IKZF2: variants seen among roughly 807,000 people sequenced by gnomAD.
The protein encoded by IKZF2 is zinc finger protein Helios.
IKZF2 carries 15 observed loss-of-function variants against 49.2 expected under a neutral mutation model. That is an observed-to-expected ratio of 0.30 (90% CI 0.20 to 0.47). The LOEUF (loss-of-function observed/expected upper bound fraction) is 0.47, where lower values mean the gene tolerates loss of function less well. IKZF2 is among the 20% of genes least tolerant of loss of function. The pLI, the probability that IKZF2 is intolerant of heterozygous loss-of-function variation, is 1.00. For synonymous variants in IKZF2, 227 were observed against 221.4 expected (o/e 1.03, Z -0.23); for missense variants, 567 against 664.6 (o/e 0.85, Z 1.61).
intron 4 of IKZF2, among the ~76,000 whole-genome samples, chr2:213,090,812 G>A (rs1705225679): frequency 6.6e-6 from 1 of 152,048 alleles, no homozygotes; most frequent in Non-Finnish European, 1.5e-5. Flanking sequence ...CCAGGGGAGA[G>A]GGACATAGCA....
At chr2:213,082,497 G>T (rs1308975142) in intron 4 of IKZF2, among the ~76,000 whole-genome samples, 2 of 152,130 alleles carry the variant, frequency 1.3e-5, no homozygotes, top group African/African-American at 4.8e-5. Context: ...AGGTACATTT[G>T]CACAAAAGAA....
chr2:213,107,833 G>A (rs917247969), intron 4 of IKZF2, among the ~76,000 whole-genome samples: 2 of 152,124 alleles, frequency 1.3e-5, no homozygotes, highest in Non-Finnish European at 2.9e-5. Flanking sequence ...AGAACACAAT[G>A]CATGCTGAAT....
chr2:213,003,793 T>C lies in IKZF2; in HGVS notation c.*3567A>G, dbSNP rs879859156. The C allele has an allele frequency of 6.6e-6, 1 of 151,866 alleles. No individual in the cohort carries two copies. The highest frequency in any genetic ancestry group is 1.5e-5 in the Non-Finnish European group (1 of 67,814). 9.4% of individuals were successfully genotyped at this position (151,866 alleles called of 1,614,324 possible). A position where few individuals can be genotyped will look rare whatever the true frequency, so the allele number is the denominator to read the frequency against. ...TATAAAAACAAAATACCGGGCTCAC[T>C]AAACTATTCTTGTCTTTCTCTATTT... On this transcript the variant is annotated 3_prime_UTR_variant, in exon 9 of 9. Coordinates refer to ENST00000434687, the MANE Select transcript of IKZF2 (RefSeq NM_001387220.1).
At position 213,000,184 on chromosome 2, in the gene IKZF2, T is replaced by TA. The variant is rs11450321; in HGVS notation, c.*7175dup. On this transcript the variant is annotated 3_prime_UTR_variant, in exon 9 of 9. Transcript: ENST00000434687. ...TTTCTGAGGTATGGTATTTGAGCCT[T>TA]AAAAAAACTACATTACACTTAGCAA... 79,126 of 148,766 alleles carry TA rather than the reference T, an allele frequency of 0.53. 21,704 individuals are homozygous for TA. The highest frequency in any genetic ancestry group is 0.69 in the East Asian group (3,496 of 5,058). 9.2% of individuals were successfully genotyped at this position (148,766 alleles called of 1,614,324 possible).
intron 6 of IKZF2, among the ~76,000 whole-genome samples, chr2:213,048,684 T>C (rs932997263): frequency 2.1e-4 from 32 of 152,212 alleles, no homozygotes; most frequent in African/African-American, 7.7e-4. Flanking sequence ...ATTTAATTTT[T>C]TTGTAACTGC....
intron 4 of IKZF2, among the ~76,000 whole-genome samples, chr2:213,124,883 C>T (rs535997119): frequency 9.2e-5 from 14 of 152,268 alleles, no homozygotes; most frequent in Admixed American, 5.9e-4. Flanking sequence ...GGTATCTATT[C>T]CCTTATACCT....
intron 4 of IKZF2, among the ~76,000 whole-genome samples, chr2:213,101,647 A>G (rs1158611847): frequency 1.3e-5 from 2 of 152,184 alleles, no homozygotes; most frequent in Non-Finnish European, 2.9e-5. Flanking sequence ...TTATGTCCAC[A>G]AAGGAAAGTA....
rs1329071123 is a variant in IKZF2, at chr2:213,003,750, T to C, written c.*3610A>G. On this transcript the variant is annotated 3_prime_UTR_variant, in exon 9 of 9. Transcript: ENST00000434687. ...AAAGACTTCATGGTTTTGTGAGTTGTACAACTGAGATAAAAACTATAAAAA... is the reference window on the plus strand; with the variant it reads ...AAAGACTTCATGGTTTTGTGAGTTGCACAACTGAGATAAAAACTATAAAAA... The C allele has an allele frequency of 2.0e-5, 3 of 151,778 alleles. No homozygotes were observed. Among genetic ancestry groups the C allele is most frequent in the Admixed American group, 1.3e-4 (2 of 15,196 alleles). The allele number at this position is 151,778 out of a possible 1,614,324, so 9.4% of individuals were successfully genotyped here.
intron 4 of IKZF2, among the ~76,000 whole-genome samples, chr2:213,092,643 T>G (rs930100490): frequency 5.9e-5 from 9 of 152,186 alleles, no homozygotes; most frequent in Non-Finnish European, 8.8e-5. Context: ...GCTCTACTTC[T>G]GTGTTTGCAA....
At position 213,021,997 on chromosome 2, in the gene IKZF2, G is replaced by A. The variant is rs1317386905; in HGVS notation, c.708C>T (p.His236=). 2 of 1,607,930 alleles carry A rather than the reference G, an allele frequency of 1.2e-6. No individual in the cohort carries two copies. The highest frequency in any genetic ancestry group is 1.7e-6 in the Non-Finnish European group (2 of 1,178,110). The change falls in exon 7 of 9, where the codon CAC becomes CAT. Residue 236 remains histidine, a synonymous_variant. Coordinates refer to ENST00000434687, the MANE Select transcript of IKZF2 (RefSeq NM_001387220.1). The part of the protein sequence containing the change: ...SMEAAGQVMS[H]HVPPMEDCKE... Reference sequence around the variant, plus strand: ...ATGAATCCAGTTTCTACCCACCATGGTGACTCATGACCTGCCCAGCAGCCT... The same window carrying A: ...ATGAATCCAGTTTCTACCCACCATGATGACTCATGACCTGCCCAGCAGCCT...
intron 4 of IKZF2, among the ~76,000 whole-genome samples, chr2:213,112,494 C>G (rs539984621): frequency 1.5e-3 from 228 of 150,360 alleles, no homozygotes; most frequent in African/African-American, 5.3e-3. Flanking sequence ...AGGGTCTCAC[C>G]CTGTCTCCCA....
intron 4 of IKZF2, among the ~76,000 whole-genome samples, chr2:213,078,193 G>C (rs1467552782): frequency 3.9e-5 from 6 of 152,124 alleles, no homozygotes; most frequent in African/African-American, 1.4e-4. Flanking sequence ...AGAGAAATTG[G>C]CTGAAATTGC....
intron 6 of IKZF2, among the ~76,000 whole-genome samples, chr2:213,046,549 C>A (rs550566062): frequency 6.6e-6 from 1 of 152,290 alleles, no homozygotes; most frequent in South Asian, 2.1e-4. Flanking sequence ...ATCCCACCAG[C>A]AGCCAGAATT....
At chr2:213,052,742 CAAAT>C (rs534949848) in intron 5 of IKZF2, among the ~76,000 whole-genome samples, 416 of 152,040 alleles carry the variant, frequency 2.7e-3, no homozygotes, top group African/African-American at 9.4e-3. Flanking sequence ...TGTCTAATAA[CAAAT>C]AAAAAGTGAA....
At chr2:213,140,113 C>G (rs1306282246) in intron 4 of IKZF2, among the ~76,000 whole-genome samples, 1 of 151,892 alleles carries the variant, frequency 6.6e-6, no homozygotes, top group Non-Finnish European at 1.5e-5. Flanking sequence ...AAAAATATCT[C>G]TCTAAGGAGT....
chr2:213,114,055 C>G (rs529093383), intron 4 of IKZF2, among the ~76,000 whole-genome samples: 1 of 152,162 alleles, frequency 6.6e-6, no homozygotes, highest in Non-Finnish European at 1.5e-5. Context: ...TTCCTAAAAT[C>G]TCTAACATTG....
intron 4 of IKZF2, among the ~76,000 whole-genome samples, chr2:213,077,486 T>G (rs534164862): frequency 6.6e-6 from 1 of 151,570 alleles, no homozygotes; most frequent in Non-Finnish European, 1.5e-5. Context: ...GTATGAACTA[T>G]AAAAATGGGA....
chr2:213,126,065 T>C (rs929558372), intron 4 of IKZF2, among the ~76,000 whole-genome samples: 1 of 152,198 alleles, frequency 6.6e-6, no homozygotes, highest in African/African-American at 2.4e-5. Flanking sequence ...AACTTTATAC[T>C]ATGTTCCTAT....
rs924587920 is a variant in IKZF2, at chr2:213,006,256, G to A, written c.*1104C>T. On this transcript the variant is annotated 3_prime_UTR_variant, in exon 9 of 9. Coordinates refer to ENST00000434687, the MANE Select transcript of IKZF2 (RefSeq NM_001387220.1). Reference sequence around the variant, plus strand: ...ACCTTCTACTCGAAGAGTAAAGGATGAATGAACTATGGACAGAACACCGGG... The same window carrying A: ...ACCTTCTACTCGAAGAGTAAAGGATAAATGAACTATGGACAGAACACCGGG... The A allele has an allele frequency of 1.3e-5, 2 of 152,364 alleles. No homozygotes were observed. Among genetic ancestry groups the A allele is most frequent in the African/African-American group, 4.8e-5 (2 of 41,392 alleles). 9.4% of individuals were successfully genotyped at this position (152,364 alleles called of 1,614,324 possible).
Sources: gnomAD v4.1 joint callset for allele counts (sites outside exome capture counted in the v4.1 genomes callset) on GRCh38, gnomAD v4.1.1 for gene constraint, MANE v1.5 for transcripts, NCBI Gene and HGNC (gene_info 2026-07-23, HGNC 2026-07-21) for gene names.